Variants in RANBP2 observed in about 807,000 individuals in gnomAD.
RANBP2 encodes the protein E3 SUMO-protein ligase RanBP2.
RANBP2 carries 57 observed loss-of-function variants against 303.6 expected under a neutral mutation model. That is an observed-to-expected ratio of 0.19 (90% CI 0.15 to 0.23). The LOEUF is 0.23. RANBP2 is among the 10% of genes least tolerant of loss of function. The probability of loss-of-function intolerance (pLI) is 1.00; values close to 1 mark genes in which losing one functional copy is unlikely to be tolerated. For synonymous variants in RANBP2, 1,167 were observed against 1,301.5 expected, an observed-to-expected ratio of 0.90 and a Z score of 2.23; for missense variants, 3,138 against 3,780.8, an observed-to-expected ratio of 0.83 and a Z score of 4.46.
At chr2:109,518,312 C>G in the RANBP2 span, among the ~76,000 whole-genome samples, 3 of 152,210 alleles carry the variant, frequency 2.0e-5, no homozygotes, top group Non-Finnish European at 4.4e-5. Flanking sequence ...TAACTGAGCA[C>G]GGTGCTGGGC....
At chr2:109,570,469 A>T in the RANBP2 span, among the ~76,000 whole-genome samples, 1 of 152,298 alleles carries the variant, frequency 6.6e-6, no homozygotes, top group East Asian at 1.9e-4. Context: ...CAAGAAAAAT[A>T]ATACAAATTT....
the RANBP2 span, among the ~76,000 whole-genome samples, chr2:108,855,196 T>C: frequency 6.6e-6 from 1 of 152,174 alleles, no homozygotes; most frequent in African/African-American, 2.4e-5. Context: ...AATGAGGACA[T>C]AATTTTGATT....
chr2:109,257,273 A>G, the RANBP2 span, among the ~76,000 whole-genome samples: 1 of 151,860 alleles, frequency 6.6e-6, no homozygotes, highest in Non-Finnish European at 1.5e-5. Context: ...GGAGGTACAA[A>G]GTCAGCTGTT....
chr2:109,710,952 C>G, the RANBP2 span, among the ~76,000 whole-genome samples: 1 of 152,200 alleles, frequency 6.6e-6, no homozygotes, highest in Non-Finnish European at 1.5e-5. Context: ...GGGACATTCT[C>G]TCAGGTGGAG....
chr2:108,780,703 C>CT (rs1468522720), intron 25 of RANBP2, among the ~76,000 whole-genome samples: 1 of 150,398 alleles, frequency 6.6e-6, no homozygotes, highest in Non-Finnish European at 1.5e-5. Context: ...CTTTTCTTTT[C>CT]TTTCTTTCTT....
chr2:109,251,014 T>C, the RANBP2 span, among the ~76,000 whole-genome samples: 3 of 152,118 alleles, frequency 2.0e-5, no homozygotes, highest in Non-Finnish European at 4.4e-5. Flanking sequence ...TTTATTTATT[T>C]TTTTTGAGAT....
the RANBP2 span, among the ~76,000 whole-genome samples, chr2:109,350,309 A>G: frequency 6.6e-6 from 1 of 152,350 alleles, no homozygotes; most frequent in South Asian, 2.1e-4. Context: ...CGGGAGGCCC[A>G]GCATCTCCTG....
the RANBP2 span, among the ~76,000 whole-genome samples, chr2:109,505,217 C>G: frequency 6.6e-6 from 1 of 152,190 alleles, no homozygotes; most frequent in Non-Finnish European, 1.5e-5. Context: ...CTCCAATCAG[C>G]CAGCCTGACA....
chr2:109,413,109 C>T, the RANBP2 span, among the ~76,000 whole-genome samples: 4 of 152,144 alleles, frequency 2.6e-5, no homozygotes, highest in Admixed American at 1.3e-4. Context: ...GTCTGATTAT[C>T]ATTATTTTAT....
the RANBP2 span, among the ~76,000 whole-genome samples, chr2:108,877,852 T>TA: frequency 6.6e-6 from 1 of 152,162 alleles, no homozygotes; most frequent in African/African-American, 2.4e-5. Flanking sequence ...AATGGTAAGT[T>TA]ACAAGGATAA....
chr2:109,395,165 C>T, the RANBP2 span, among the ~76,000 whole-genome samples: 1 of 152,250 alleles, frequency 6.6e-6, no homozygotes, highest in African/African-American at 2.4e-5. Flanking sequence ...CAGGCCAGTG[C>T]GTGCGCTACT....
At chr2:109,502,033 G>A in the RANBP2 span, 596 of 220,346 alleles carry the variant, frequency 2.7e-3, 4 homozygotes, top group African/African-American at 0.012. Context: ...GGTTGCAGGA[G>A]GTCTGCAGGC....
the RANBP2 span, among the ~76,000 whole-genome samples, chr2:109,551,145 A>G: frequency 6.6e-6 from 1 of 152,208 alleles, no homozygotes; most frequent in Non-Finnish European, 1.5e-5. Flanking sequence ...TGGAGACATC[A>G]TTTGTTCTGT....
At chr2:109,659,195 G>A in the RANBP2 span, among the ~76,000 whole-genome samples, 12 of 152,146 alleles carry the variant, frequency 7.9e-5, no homozygotes, top group South Asian at 1.7e-3. Flanking sequence ...TGGCCAACAC[G>A]GCGAAACCCC....
the RANBP2 span, among the ~76,000 whole-genome samples, chr2:108,862,782 T>C: frequency 1.4e-3 from 219 of 152,328 alleles, 1 homozygote; most frequent in African/African-American, 5.0e-3. Flanking sequence ...GTTTTCTTGA[T>C]GTTGGCCACC....
At chr2:108,934,034 G>C in the RANBP2 span, among the ~76,000 whole-genome samples, 2 of 152,246 alleles carry the variant, frequency 1.3e-5, no homozygotes, top group South Asian at 2.1e-4. Flanking sequence ...GCTGAGCCTC[G>C]GAGGGCTTCC....
chr2:109,228,608 A>C, the RANBP2 span, among the ~76,000 whole-genome samples: 13 of 152,140 alleles, frequency 8.5e-5, no homozygotes, highest in African/African-American at 3.1e-4. Flanking sequence ...GCCAGTTGCA[A>C]GAGGTGTCTT....
the RANBP2 span, among the ~76,000 whole-genome samples, chr2:108,842,500 A>G: frequency 6.6e-6 from 1 of 152,120 alleles, no homozygotes; most frequent in Non-Finnish European, 1.5e-5. Context: ...TTACCCATAC[A>G]GGTTTTTCAC....
chr2:109,683,489 A>G, the RANBP2 span, among the ~76,000 whole-genome samples: 6 of 152,272 alleles, frequency 3.9e-5, no homozygotes, highest in Admixed American at 3.3e-4. Flanking sequence ...GGCCATGGGC[A>G]GGGGGTCTTA....
Sources: allele counts gnomAD v4.1 joint callset (sites outside exome capture counted in the v4.1 genomes callset), GRCh38; gene constraint gnomAD v4.1.1; transcripts MANE v1.5; gene names NCBI Gene and HGNC (gene_info 2026-07-23, HGNC 2026-07-21).